The following DCP1B variants were observed in gnomAD, a reference collection of about 807,000 sequenced individuals.
DCP1B encodes decapping mRNA 1B.
Under a neutral mutation model 60.5 loss-of-function variants are expected in DCP1B, and 47 were observed. The ratio of observed to expected loss-of-function variants is 0.78; its 90% CI spans 0.61 to 0.99. The LOEUF is 0.99. Among genes scored for constraint, DCP1B ranks in the 50% least tolerant of loss-of-function variants. The pLI is 0.00. For missense variants in DCP1B, 725 were observed against 756.8 expected, an observed-to-expected ratio of 0.96 and a Z score of 0.49; for synonymous variants, 267 against 280.3, an observed-to-expected ratio of 0.95 and a Z score of 0.47.
intron 3 of DCP1B, among the ~76,000 whole-genome samples, chr12:1,968,352 CA>C (rs112698192): frequency 0.015 from 1,357 of 90,990 alleles, 17 homozygotes; most frequent in African/African-American, 0.036. Context: ...AACTCTGTCT[CA>C]AAAAAAAAAA....
In DCP1B at chr12:1,949,327, G is replaced by A. The variant is rs148983350; in HGVS notation, c.1532C>T (p.Ser511Leu). ...TGCTGTAGCAGGGATGCGCTGAGGT[G>A]AGATGACCTGCTCACAGCAAATACA... ...EQQTPLFQVI[S>L]PQRIPATAAP... The change falls in exon 8 of 9, where the codon TCA (serine) becomes TTA (leucine). Residue 511 changes from serine (S) to leucine (L), a missense_variant. By Grantham distance (145) the Ser-to-Leu change is moderately radical. Coordinates refer to ENST00000280665, the MANE Select transcript of DCP1B (RefSeq NM_152640.5). 191 of 1,613,884 alleles carry A rather than the reference G, an allele frequency of 1.2e-4. No homozygotes were observed. In the Middle Eastern group the frequency reaches 2.3e-3, roughly 20 times the overall value.
chr12:1,965,464 G>T, intron 5 of DCP1B, 94 bp downstream of exon 5: 1 of 1,340,994 alleles, frequency 7.5e-7, no homozygotes, highest in Non-Finnish European at 9.7e-7. Flanking sequence ...TTGGTGGAAG[G>T]AACAGCATCC....
intron 1 of DCP1B, among the ~76,000 whole-genome samples, chr12:1,998,958 TG>T (rs1273185077): frequency 3.3e-5 from 5 of 152,318 alleles, no homozygotes; most frequent in African/African-American, 1.2e-4. Context: ...AAAAGCGTAA[TG>T]TCAAAACAGC....
chr12:1,959,302 G>A (rs932370097), intron 5 of DCP1B, among the ~76,000 whole-genome samples: 9 of 152,216 alleles, frequency 5.9e-5, no homozygotes, highest in African/African-American at 1.2e-4. Flanking sequence ...GATGACCTAT[G>A]GAGTGGAGGA....
At chr12:1,986,733 A>G (rs1180407678) in intron 3 of DCP1B, among the ~76,000 whole-genome samples, 1 of 152,028 alleles carries the variant, frequency 6.6e-6, no homozygotes, top group Non-Finnish European at 1.5e-5. Flanking sequence ...ATAAAAGAGG[A>G]AAGAATAAAG....
chr12:2,002,361 C>A (rs34667531), intron 1 of DCP1B, among the ~76,000 whole-genome samples: 2 of 152,198 alleles, frequency 1.3e-5, no homozygotes, highest in Non-Finnish European at 2.9e-5. Context: ...TGCAGTTGAA[C>A]TAGGTCTCTC....
intron 7 of DCP1B, among the ~76,000 whole-genome samples, 200 bp downstream of exon 7, chr12:1,952,216 C>G (rs1476754125): frequency 6.6e-6 from 1 of 152,172 alleles, no homozygotes; most frequent in Non-Finnish European, 1.5e-5. Flanking sequence ...CTCTGTCACC[C>G]AGGCTGGAGT....
At chr12:1,991,313 A>C (rs1163000539) in intron 3 of DCP1B, 1 of 440,652 alleles carries the variant, frequency 2.3e-6, no homozygotes. Context: ...AAAATAAATG[A>C]AAATCATTAT....
chr12:1,950,632 T>A (rs960960495), intron 7 of DCP1B, among the ~76,000 whole-genome samples: 11 of 152,114 alleles, frequency 7.2e-5, no homozygotes, highest in Admixed American at 4.6e-4. Context: ...ATGCCTAAGG[T>A]CTTTGTTTTC....
At chr12:1,968,125 G>A (rs189492178) in intron 3 of DCP1B, among the ~76,000 whole-genome samples, 2 of 152,118 alleles carry the variant, frequency 1.3e-5, no homozygotes, top group East Asian at 3.9e-4. Flanking sequence ...AGTACTTTGG[G>A]ATCACTTGAG....
chr12:1,996,489 G>A (rs2154476453), intron 2 of DCP1B, among the ~76,000 whole-genome samples: 1 of 151,670 alleles, frequency 6.6e-6, no homozygotes, highest in South Asian at 2.1e-4. Context: ...ATATTCCTGA[G>A]GCCCAATTCA....
intron 3 of DCP1B, among the ~76,000 whole-genome samples, chr12:1,979,779 T>G (rs1297470966): frequency 1.3e-5 from 2 of 152,238 alleles, no homozygotes; most frequent in East Asian, 3.8e-4. Flanking sequence ...TCATTAACAC[T>G]TGTCTTTTTA....
chr12:1,952,159 A>G (rs2030695715), intron 7 of DCP1B, among the ~76,000 whole-genome samples: 1 of 152,034 alleles, frequency 6.6e-6, no homozygotes, highest in African/African-American at 2.4e-5. Flanking sequence ...TTATAGTAAT[A>G]CCTTTTTCTT....
At chr12:1,965,010 T>TGGGGA in intron 5 of DCP1B, among the ~76,000 whole-genome samples, 1 of 151,852 alleles carries the variant, frequency 6.6e-6, no homozygotes, top group Non-Finnish European at 1.5e-5. Flanking sequence ...AAGGGAGAAG[T>TGGGGA]GGGGAGGGGA....
chr12:1,965,164 G>A (rs2031251365), intron 5 of DCP1B, among the ~76,000 whole-genome samples: 1 of 152,082 alleles, frequency 6.6e-6, no homozygotes, highest in Non-Finnish European at 1.5e-5. Flanking sequence ...CCTTTCAGGA[G>A]TTTTTAAACA....
Position 1,971,031 on chromosome 12 carries a change from T to A in DCP1B, c.320-3121A>T, listed in dbSNP as rs982896211. ...CAGGATAATTATTTAGCTTTAAAAATCAACCAATTAATATACATCTGGAAA... is the reference window on the plus strand; with the variant it reads ...CAGGATAATTATTTAGCTTTAAAAAACAACCAATTAATATACATCTGGAAA... On this transcript the variant is annotated intron_variant, in intron 3 of 8. Coordinates refer to ENST00000280665, the MANE Select transcript of DCP1B (RefSeq NM_152640.5). The surrounding 1 kb of genome is among the most constrained non-coding windows in gnomAD (Gnocchi z 4.2). 4.0e-6 allele frequency: 5 copies of A among 1,257,396 alleles called. No individual in the cohort carries two copies. The highest frequency in any genetic ancestry group is 5.2e-6 in the Non-Finnish European group (5 of 967,606). 77.9% of individuals were successfully genotyped at this position (1,257,396 alleles called of 1,614,324 possible). A position where few individuals can be genotyped will look rare whatever the true frequency, so the allele number is the denominator to read the frequency against.
intron 6 of DCP1B, 22 bp downstream of exon 6, chr12:1,955,410 T>C: frequency 6.2e-7 from 1 of 1,606,876 alleles, no homozygotes. Flanking sequence ...ACACTGAATA[T>C]GACAAGCAGA....
At chr12:1,977,363 G>A (rs1034354395) in intron 3 of DCP1B, among the ~76,000 whole-genome samples, 2 of 152,186 alleles carry the variant, frequency 1.3e-5, no homozygotes, top group African/African-American at 2.4e-5. Flanking sequence ...GTGGGAAACA[G>A]GAAGACATTT....
chr12:1,991,356 AC>A (rs1317811156), intron 3 of DCP1B: 5 of 414,196 alleles, frequency 1.2e-5, no homozygotes, highest in African/African-American at 2.1e-5. Context: ...AATATGAAAA[AC>A]AAATTAAAAT....
Sources: gnomAD v4.1 joint callset for allele counts (sites outside exome capture counted in the v4.1 genomes callset) on GRCh38, gnomAD v4.1.1 for gene constraint, Gnocchi (gnomAD v3.1) non-coding constraint, MANE v1.5 for transcripts, NCBI Gene and HGNC (gene_info 2026-07-23, HGNC 2026-07-21) for gene names.